PIK3CB: variants seen among roughly 807,000 people sequenced by gnomAD.
PIK3CB encodes the protein phosphatidylinositol 4,5-bisphosphate 3-kinase catalytic subunit beta isoform.
A neutral mutation model predicts 136.8 loss-of-function variants in PIK3CB; 39 were observed. That is an observed-to-expected ratio of 0.29 (90% confidence interval 0.22 to 0.37). The LOEUF (loss-of-function observed/expected upper bound fraction) is 0.37. Ranked by LOEUF, PIK3CB falls within the 10% of genes least tolerant of loss-of-function variation. The pLI is 1.00. For synonymous variants in PIK3CB, 428 were observed against 436.6 expected (o/e 0.98, Z 0.25); for missense variants, 868 against 1,275.4 (o/e 0.68, Z 4.87).
chr3:138,773,481 T>C (rs1027810437), intron 2 of PIK3CB, among the ~76,000 whole-genome samples: 3 of 152,190 alleles, frequency 2.0e-5, no homozygotes, highest in African/African-American at 4.8e-5. Flanking sequence ...ATTGGTATTA[T>C]TTCATCAAAC....
chr3:138,677,912 G>A (rs1250768000), intron 19 of PIK3CB, among the ~76,000 whole-genome samples: 23 of 151,982 alleles, frequency 1.5e-4, no homozygotes, highest in Admixed American at 1.4e-3. Context: ...AAAAAAACTT[G>A]TTAAATCAAA....
intron 2 of PIK3CB, among the ~76,000 whole-genome samples, chr3:138,773,463 A>G (rs1360042050): frequency 6.6e-6 from 1 of 152,176 alleles, no homozygotes; most frequent in Non-Finnish European, 1.5e-5. Flanking sequence ...GTGGAGAGGG[A>G]GGACATTATT....
chr3:138,735,056 C>T (rs1280470727), intron 6 of PIK3CB, among the ~76,000 whole-genome samples: 1 of 151,326 alleles, frequency 6.6e-6, no homozygotes, highest in Admixed American at 6.6e-5. Flanking sequence ...TAAAGCAATC[C>T]TCCCACCTCA....
chr3:138,691,637 C>T (rs1279408197), intron 14 of PIK3CB, among the ~76,000 whole-genome samples: 1 of 152,138 alleles, frequency 6.6e-6, no homozygotes, highest in Non-Finnish European at 1.5e-5. Flanking sequence ...TCGCCTTCTA[C>T]CATAATTTTA....
At chr3:138,781,453 GA>G (rs1233863244) in intron 2 of PIK3CB, among the ~76,000 whole-genome samples, 4 of 149,794 alleles carry the variant, frequency 2.7e-5, no homozygotes, top group African/African-American at 1.0e-4. Flanking sequence ...CATCTCTACA[GA>G]AATTTTTTTT....
intron 2 of PIK3CB, among the ~76,000 whole-genome samples, chr3:138,783,352 G>A (rs886257549): frequency 1.3e-5 from 2 of 151,752 alleles, no homozygotes; most frequent in African/African-American, 4.9e-5. Context: ...TGTAATCATA[G>A]TTCACTGCAT....
At chr3:138,830,532 G>A (rs1022488094) in intron 1 of PIK3CB, among the ~76,000 whole-genome samples, 2 of 150,862 alleles carry the variant, frequency 1.3e-5, no homozygotes, top group Admixed American at 6.6e-5. Context: ...CAGCCTGAAC[G>A]GCAGAGCACG....
At chr3:138,775,908 C>T (rs1184883032) in intron 2 of PIK3CB, among the ~76,000 whole-genome samples, 1 of 152,102 alleles carries the variant, frequency 6.6e-6, no homozygotes, top group Admixed American at 6.5e-5. Context: ...AATTAAAAAG[C>T]ATACATTGGC....
chr3:138,771,119 G>A (rs905414444), intron 2 of PIK3CB, among the ~76,000 whole-genome samples: 10 of 151,944 alleles, frequency 6.6e-5, no homozygotes, highest in Non-Finnish European at 8.8e-5. Flanking sequence ...TACCCCCGAC[G>A]TTGCTCAAAG....
chr3:138,785,304 C>A (rs1158128605), intron 2 of PIK3CB, among the ~76,000 whole-genome samples: 1 of 152,140 alleles, frequency 6.6e-6, no homozygotes, highest in South Asian at 2.1e-4. Context: ...CAGGCCGCCG[C>A]CCTGTCTGGG....
intron 2 of PIK3CB, among the ~76,000 whole-genome samples, chr3:138,789,458 C>CA (rs1442635466): frequency 1.3e-5 from 2 of 151,126 alleles, no homozygotes; most frequent in Non-Finnish European, 3.0e-5. Context: ...GACCCTATCT[C>CA]AAAAAAAATA....
Position 138,712,281 on chromosome 3 carries a change from AT to A in PIK3CB, c.1325del (p.Asn442IlefsTer11). On this transcript the variant is annotated frameshift_variant, in exon 10 of 24. Transcript: ENST00000674063. LOFTEE classifies it high-confidence loss of function. ...GKVHYPVAWV[N>X]TMVFDFKGQL... ...GTCCTTTAAAGTCAAAAACCATCGT[AT>A]TTACCCACGCTACAGGATAATGCTG... The A allele has an allele frequency of 6.4e-7, 1 of 1,572,716 alleles. No individual in the cohort carries two copies. The highest frequency in any genetic ancestry group is 8.7e-7 in the Non-Finnish European group (1 of 1,151,844).
chr3:138,764,335 T>C (rs1449445870), intron 2 of PIK3CB, among the ~76,000 whole-genome samples: 1 of 150,034 alleles, frequency 6.7e-6, no homozygotes, highest in East Asian at 2.0e-4. Flanking sequence ...CCTGTGGTCC[T>C]AGCTACTAGG....
chr3:138,818,480 G>C (rs996976925), intron 1 of PIK3CB, among the ~76,000 whole-genome samples: 2 of 152,110 alleles, frequency 1.3e-5, no homozygotes, highest in Non-Finnish European at 2.9e-5. Context: ...GTCCATTTCA[G>C]CTATAAATTC....
At chr3:138,666,576 T>C (rs992247840) in intron 19 of PIK3CB, among the ~76,000 whole-genome samples, 2 of 152,236 alleles carry the variant, frequency 1.3e-5, no homozygotes, top group African/African-American at 2.4e-5. Flanking sequence ...ATGAGCTCTT[T>C]GTATATTAAT....
chr3:138,688,183 T>A (rs891442799), intron 16 of PIK3CB, among the ~76,000 whole-genome samples: 2 of 152,042 alleles, frequency 1.3e-5, no homozygotes, highest in Non-Finnish European at 2.9e-5. Context: ...GTAGTTTAAC[T>A]GGAAATTAGG....
chr3:138,827,353 G>C (rs1388767480), intron 1 of PIK3CB, among the ~76,000 whole-genome samples: 1 of 152,018 alleles, frequency 6.6e-6, no homozygotes, highest in Non-Finnish European at 1.5e-5. Flanking sequence ...GATTGAGAGA[G>C]TTAAGAACGC....
At chr3:138,823,494 G>A (rs1933651516) in intron 1 of PIK3CB, among the ~76,000 whole-genome samples, 2 of 151,412 alleles carry the variant, frequency 1.3e-5, no homozygotes, top group Admixed American at 1.3e-4. Flanking sequence ...CACGAGGTCA[G>A]GAGATCGAGA....
intron 20 of PIK3CB, among the ~76,000 whole-genome samples, chr3:138,664,470 G>T (rs1243691994): frequency 1.3e-5 from 2 of 152,126 alleles, no homozygotes; most frequent in African/African-American, 4.8e-5. Context: ...AAGTAATAGA[G>T]ATTCCCTGGA....
Sources: gnomAD v4.1 joint callset for allele counts (sites outside exome capture counted in the v4.1 genomes callset) on GRCh38, gnomAD v4.1.1 for gene constraint, MANE v1.5 for transcripts, NCBI Gene and HGNC (gene_info 2026-07-23, HGNC 2026-07-21) for gene names.